DPP4: variants seen among roughly 807,000 people sequenced by gnomAD.
DPP4 encodes ADCP-2.
In DPP4, 93 loss-of-function variants were observed where a neutral mutation model predicts 122.4. The observed-to-expected ratio is 0.76, with a 90% CI of 0.64 to 0.90. DPP4 has a LOEUF of 0.90. Ranked by LOEUF, DPP4 falls within the 40% of genes least tolerant of loss-of-function variation. The pLI is 0.00. For synonymous variants in DPP4, 321 were observed against 302.9 expected (o/e 1.06, Z -0.62); for missense variants, 914 against 907.3 (o/e 1.01, Z -0.09).
intron 10 of DPP4, among the ~76,000 whole-genome samples, chr2:162,031,318 A>G (rs931538015): frequency 2.6e-5 from 4 of 152,238 alleles, no homozygotes; most frequent in Non-Finnish European, 5.9e-5. Context: ...AGGGAGGACA[A>G]GGACTAGACC....
intron 12 of DPP4, among the ~76,000 whole-genome samples, chr2:162,022,533 G>A (rs1683167835): frequency 1.3e-5 from 2 of 152,134 alleles, no homozygotes; most frequent in African/African-American, 4.8e-5. Context: ...TGTCTGCTCT[G>A]CTTTTGATTT....
At chr2:162,053,071 A>C (rs1477932358) in intron 2 of DPP4, among the ~76,000 whole-genome samples, 6 of 152,260 alleles carry the variant, frequency 3.9e-5, no homozygotes, top group Non-Finnish European at 7.3e-5. Flanking sequence ...AACAAATTAT[A>C]GACAGAGTTC....
At chr2:162,048,148 C>T (rs1022487922) in intron 2 of DPP4, among the ~76,000 whole-genome samples, 28 of 152,130 alleles carry the variant, frequency 1.8e-4, no homozygotes, top group African/African-American at 6.8e-4. Context: ...ATGCTGATCA[C>T]CCAATTCAGG....
chr2:162,056,436 T>A (rs796879253), intron 2 of DPP4, among the ~76,000 whole-genome samples: 8 of 152,220 alleles, frequency 5.3e-5, no homozygotes, highest in African/African-American at 1.7e-4. Context: ...GTGGCTGTAG[T>A]GTAGGAAGAG....
chr2:162,054,003 G>T (rs1011115897), intron 2 of DPP4, among the ~76,000 whole-genome samples: 1 of 152,174 alleles, frequency 6.6e-6, no homozygotes, highest in Non-Finnish European at 1.5e-5. Context: ...GCTGCACCAT[G>T]GGCCGTGCCC....
rs372124565 is a variant in DPP4, at chr2:162,014,259, A to G, written c.1637+137T>C. On this transcript the variant is annotated intron_variant, in intron 19 of 25. Coordinates refer to ENST00000360534, the MANE Select transcript of DPP4 (RefSeq NM_001935.4). ...CACAGGTTGGGTTTTGTGGCTGTAC[A>G]GTGAAAGGAGGAAATAGTAAACAGT... 19 of 691,702 alleles carry G rather than the reference A, an allele frequency of 2.7e-5. No homozygotes were observed. The African/African-American group carries it at 3.4e-4, about 12-fold the overall frequency. The allele number at this position is 691,702 out of a possible 1,614,324, so 42.8% of individuals were successfully genotyped here. A position where few individuals can be genotyped will look rare whatever the true frequency, so the allele number is the denominator to read the frequency against.
chr2:162,054,084 TC>T (rs1375734310), intron 2 of DPP4, among the ~76,000 whole-genome samples: 5 of 152,206 alleles, frequency 3.3e-5, no homozygotes, highest in African/African-American at 4.8e-5. Context: ...CCCTAGCATG[TC>T]TGAAACATGG....
chr2:162,005,827 AT>A lies in DPP4; in HGVS notation c.1988-19del. 6.2e-7 allele frequency: 1 copy of A among 1,605,162 alleles called. No individual in the cohort carries two copies. Among genetic ancestry groups the A allele is most frequent in the African/African-American group, 1.3e-5 (1 of 74,154 alleles). On this transcript the variant is annotated intron_variant, in intron 22 of 25. Transcript: ENST00000360534. ...CACTGAGTCTGTGAAAGAAAAAAAA[AT>A]AAAAAAAAGTTTAATTCATACAATA...
chr2:162,059,283 T>G (rs911303658), intron 2 of DPP4, among the ~76,000 whole-genome samples: 20 of 152,176 alleles, frequency 1.3e-4, no homozygotes, highest in African/African-American at 4.1e-4. Context: ...CCCTCTTTTC[T>G]TGATAAGACT....
Position 162,038,185 on chromosome 2 carries a change from T to A in DPP4, c.613+117A>T, listed in dbSNP as rs1026297187. 35 of 1,022,614 alleles carry A rather than the reference T, an allele frequency of 3.4e-5. No individual in the cohort carries two copies. The African/African-American group carries it at 5.7e-4, about 17-fold the overall frequency. 63.3% of individuals were successfully genotyped at this position (1,022,614 alleles called of 1,614,324 possible). A position where few individuals can be genotyped will look rare whatever the true frequency, so the allele number is the denominator to read the frequency against. ...GAGTTCTAAGAGAAATCTGATGACA[T>A]TTTAAACAATGAAACTTTTTTTCAA... is the stretch of plus-strand genomic sequence containing the variant. On this transcript the variant is annotated intron_variant, in intron 8 of 25. Coordinates refer to ENST00000360534, the MANE Select transcript of DPP4 (RefSeq NM_001935.4).
chr2:162,011,872 A>C lies in DPP4; in HGVS notation c.1753T>G (p.Tyr585Asp). The C allele has an allele frequency of 6.2e-7, 1 of 1,613,824 alleles. No homozygotes were observed. The highest frequency in any genetic ancestry group is 8.5e-7 in the Non-Finnish European group (1 of 1,179,808). The change falls in exon 20 of 26, where the codon TAC (tyrosine) becomes GAC (aspartate). Residue 585 changes from tyrosine to aspartate, a missense_variant. Coordinates refer to ENST00000360534, the MANE Select transcript of DPP4 (RefSeq NM_001935.4). ...VASFDGRGSGYQGDKIMHAIN... is the reference protein window; with the variant it reads ...VASFDGRGSGDQGDKIMHAIN... ...GCATGCATGATCTTATCTCCTTGGT[A>C]ACCACTTCCTCTGCCATCAAAGCTA...
At chr2:162,052,668 T>G (rs1006895379) in intron 2 of DPP4, among the ~76,000 whole-genome samples, 5 of 152,180 alleles carry the variant, frequency 3.3e-5, no homozygotes, top group African/African-American at 1.2e-4. Context: ...TAATGGGTGA[T>G]GCTGGAATAG....
At chr2:162,038,520 C>T (rs1683869434) in intron 7 of DPP4, 98 bp from the exon 8 acceptor site, 4 of 1,285,950 alleles carry the variant, frequency 3.1e-6, no homozygotes, top group Non-Finnish European at 4.3e-6. Context: ...GTAAGGATTA[C>T]CATAGTCAAA....
At chr2:162,039,948 T>A (rs1453713918) in intron 5 of DPP4, among the ~76,000 whole-genome samples, 1 of 151,932 alleles carries the variant, frequency 6.6e-6, no homozygotes, top group African/African-American at 2.4e-5. Context: ...CACAAATGAC[T>A]GGTATCAGAA....
At position 162,017,048 on chromosome 2, in the gene DPP4, G is replaced by A. The variant is rs1576041514; in HGVS notation, c.1468+60C>T. The A allele has an allele frequency of 7.1e-6, 11 of 1,546,008 alleles. No individual in the cohort carries two copies. The East Asian group carries it at 2.5e-4, about 35-fold the overall frequency. On this transcript the variant is annotated intron_variant, in intron 17 of 25. Transcript: ENST00000360534. ...GAAAATCACACAATGCTAAGTACAT[G>A]TTAGACTTATGCAACACACTTTCTT...
chr2:162,001,329 T>G (rs190525165), intron 23 of DPP4, among the ~76,000 whole-genome samples: 1 of 152,288 alleles, frequency 6.6e-6, no homozygotes, highest in African/African-American at 2.4e-5. Context: ...CCCCTCTGGC[T>G]AGGGAGCAGA....
At chr2:162,067,785 A>T (rs1023485072) in intron 2 of DPP4, among the ~76,000 whole-genome samples, 11 of 152,216 alleles carry the variant, frequency 7.2e-5, no homozygotes, top group African/African-American at 2.4e-4. Context: ...TATTTACAAG[A>T]TATTGATTTA....
chr2:162,062,772 T>C (rs894267650), intron 2 of DPP4, among the ~76,000 whole-genome samples: 4 of 152,228 alleles, frequency 2.6e-5, no homozygotes, highest in African/African-American at 9.7e-5. Flanking sequence ...AAACAGTTCA[T>C]GTGATTCAGT....
At chr2:162,007,249 G>A (rs766133299) in intron 22 of DPP4, among the ~76,000 whole-genome samples, 6 of 151,980 alleles carry the variant, frequency 3.9e-5, no homozygotes, top group East Asian at 1.9e-4. Flanking sequence ...TAGGTTGTAC[G>A]TTAGATGGGA....
Sources: allele counts gnomAD v4.1 joint callset (sites outside exome capture counted in the v4.1 genomes callset), GRCh38; gene constraint gnomAD v4.1.1; transcripts MANE v1.5; gene names NCBI Gene and HGNC (gene_info 2026-07-23, HGNC 2026-07-21).